KIF26B: variants seen among roughly 807,000 people sequenced by gnomAD.
KIF26B encodes the protein kinesin-like protein KIF26B.
A neutral mutation model predicts 151.2 loss-of-function variants in KIF26B; 63 were observed. The ratio of observed to expected loss-of-function variants is 0.42; its 90% CI spans 0.34 to 0.51. KIF26B has a LOEUF of 0.51. Among genes scored for constraint, KIF26B ranks in the 20% least tolerant of loss-of-function variants. The probability of loss-of-function intolerance (pLI) is 0.07; values close to 1 mark genes in which losing one functional copy is unlikely to be tolerated. For synonymous variants in KIF26B, 1,357 were observed against 1,262.1 expected (o/e 1.08, Z -1.59); for missense variants, 2,813 against 2,913.6 (o/e 0.97, Z 0.79).
chr1:245,608,754 CTTTG>C (rs1035914289), intron 7 of KIF26B, among the ~76,000 whole-genome samples: 7 of 151,916 alleles, frequency 4.6e-5, no homozygotes, highest in African/African-American at 1.4e-4. Flanking sequence ...TGGGCTCTTG[CTTTG>C]TTTCTTTTTT....
chr1:245,475,489 C>A (rs972374665), intron 4 of KIF26B, among the ~76,000 whole-genome samples: 1 of 151,694 alleles, frequency 6.6e-6, no homozygotes. Flanking sequence ...AAAATCATTG[C>A]AAGGTTATGA....
intron 3 of KIF26B, among the ~76,000 whole-genome samples, chr1:245,380,955 G>GAA (rs35477111): frequency 0.01 from 799 of 77,900 alleles, 18 homozygotes; most frequent in African/African-American, 0.03. Flanking sequence ...CCAAAAAGAT[G>GAA]AAAAAAAAAA....
At chr1:245,346,490 A>G (rs1672460032) in intron 2 of KIF26B, among the ~76,000 whole-genome samples, 1 of 152,022 alleles carries the variant, frequency 6.6e-6, no homozygotes, top group South Asian at 2.1e-4. Context: ...GATCCATGCC[A>G]CCTTGTTCCT....
chr1:245,223,613 C>T (rs894486743), intron 2 of KIF26B, among the ~76,000 whole-genome samples: 2 of 152,174 alleles, frequency 1.3e-5, no homozygotes, highest in Non-Finnish European at 2.9e-5. Flanking sequence ...TTTAGAATTG[C>T]ATATAAATGG....
intron 9 of KIF26B, among the ~76,000 whole-genome samples, chr1:245,618,236 G>A (rs1003340042): frequency 3.3e-5 from 5 of 152,162 alleles, no homozygotes; most frequent in African/African-American, 9.7e-5. Flanking sequence ...GCCTTACTCC[G>A]CCTTATATTT....
chr1:245,623,446 G>A (rs1366946206), intron 9 of KIF26B, among the ~76,000 whole-genome samples: 1 of 152,030 alleles, frequency 6.6e-6, no homozygotes, highest in African/African-American at 2.4e-5. Context: ...CTGCATAATA[G>A]TCCACTGCCC....
intron 2 of KIF26B, among the ~76,000 whole-genome samples, chr1:245,256,898 T>A (rs1419898942): frequency 6.6e-6 from 1 of 152,264 alleles, no homozygotes; most frequent in Non-Finnish European, 1.5e-5. Flanking sequence ...AAGCTGTCTC[T>A]TGTGGGGAAA....
intron 2 of KIF26B, among the ~76,000 whole-genome samples, chr1:245,251,894 ATAT>A (rs1267334143): frequency 3.9e-5 from 6 of 152,142 alleles, no homozygotes; most frequent in Non-Finnish European, 5.9e-5. Context: ...TGGTTAATAT[ATAT>A]TAAGATTAAT....
intron 2 of KIF26B, among the ~76,000 whole-genome samples, chr1:245,343,334 A>T (rs1672374558): frequency 6.6e-6 from 1 of 151,940 alleles, no homozygotes; most frequent in South Asian, 2.1e-4. Context: ...CATAAAAACC[A>T]TTTAAAACAT....
chr1:245,303,010 A>AAAAAAAG (rs1553342657), intron 2 of KIF26B, among the ~76,000 whole-genome samples: 7 of 149,058 alleles, frequency 4.7e-5, no homozygotes, highest in African/African-American at 1.7e-4. Flanking sequence ...AAAAAAAAAA[A>AAAAAAAG]AAAGAAAGAA....
intron 2 of KIF26B, among the ~76,000 whole-genome samples, chr1:245,365,544 G>A (rs1572025037): frequency 1.4e-5 from 2 of 145,270 alleles, no homozygotes; most frequent in Admixed American, 6.8e-5. Flanking sequence ...TCAGCAAACC[G>A]CCTTCAGCTC....
At chr1:245,433,392 G>A (rs1298966735) in intron 4 of KIF26B, among the ~76,000 whole-genome samples, 1 of 151,792 alleles carries the variant, frequency 6.6e-6, no homozygotes, top group African/African-American at 2.4e-5. Context: ...GCTTGAACCT[G>A]GGAGGTGGAG....
rs1369030679 is a variant in KIF26B, at chr1:245,276,876, T to G, written c.466-89958T>G. 2.6e-5 allele frequency among the ~76,000 whole-genome samples: 4 copies of G among 152,268 alleles called. No homozygotes were observed. In the East Asian group the frequency reaches 7.8e-4, roughly 30 times the overall value. On this transcript the variant is annotated intron_variant, in intron 2 of 14. Transcript: ENST00000407071. Reference sequence around the variant, plus strand: ...TTGCCATGTTGCCGAAGTCACTTCCTGGAATGAAGGTCTTTACAGATGTAA... The same window carrying G: ...TTGCCATGTTGCCGAAGTCACTTCCGGGAATGAAGGTCTTTACAGATGTAA...
chr1:245,517,040 T>G (rs1373847850), intron 4 of KIF26B, among the ~76,000 whole-genome samples: 1 of 152,160 alleles, frequency 6.6e-6, no homozygotes, highest in Non-Finnish European at 1.5e-5. Context: ...ATTGTGGCAC[T>G]GGGATAGGAA....
At chr1:245,232,653 C>T (rs908399687) in intron 2 of KIF26B, among the ~76,000 whole-genome samples, 1 of 151,258 alleles carries the variant, frequency 6.6e-6, no homozygotes, top group Non-Finnish European at 1.5e-5. Flanking sequence ...CAGGTTCAAG[C>T]GATTCTCCTG....
intron 5 of KIF26B, among the ~76,000 whole-genome samples, chr1:245,591,101 T>A (rs1346826069): frequency 6.6e-6 from 1 of 152,054 alleles, no homozygotes; most frequent in Non-Finnish European, 1.5e-5. Flanking sequence ...ATGGGTTCAA[T>A]ATGTTGGCAA....
In KIF26B at chr1:245,560,616, A is replaced by G. The variant is rs1308273572; in HGVS notation, c.1350+19666A>G. Reference sequence around the variant, plus strand: ...GGTTGAAAACATCTCAGCGCACTTCACGGAGGTTCTCAGAGACCCCATAAG... The same window carrying G: ...GGTTGAAAACATCTCAGCGCACTTCGCGGAGGTTCTCAGAGACCCCATAAG... On this transcript the variant is annotated intron_variant, in intron 5 of 14. Coordinates refer to ENST00000407071, the MANE Select transcript of KIF26B (RefSeq NM_018012.4). The surrounding 1 kb of genome is among the most constrained non-coding windows in gnomAD (Gnocchi z 4.3). Among the ~76,000 whole-genome samples, 3 of 152,096 alleles carry G rather than the reference A, an allele frequency of 2.0e-5. No homozygotes were observed. The highest frequency in any genetic ancestry group is 2.9e-5 in the Non-Finnish European group (2 of 68,018).
chr1:245,468,004 C>T (rs931757649), intron 4 of KIF26B, among the ~76,000 whole-genome samples: 5 of 151,394 alleles, frequency 3.3e-5, no homozygotes, highest in African/African-American at 1.2e-4. Flanking sequence ...CCAGGTTGAA[C>T]ACCCCTGAAG....
In KIF26B at chr1:245,563,578, C is replaced by T. The variant is rs117294900; in HGVS notation, c.1350+22628C>T. Among the ~76,000 whole-genome samples the T allele has an allele frequency of 6.5e-4, 99 of 152,246 alleles. No homozygotes were observed. The East Asian group carries it at 0.017, about 27-fold the overall frequency. On this transcript the variant is annotated intron_variant, in intron 5 of 14. Coordinates refer to ENST00000407071, the MANE Select transcript of KIF26B (RefSeq NM_018012.4). The surrounding 1 kb of genome is among the most constrained non-coding windows in gnomAD (Gnocchi z 4.6). ...TCTCAAACACATGGCTGACAGATTC[C>T]GGAGGCCTTCAACTCCCACCTATGA...
Sources: allele counts gnomAD v4.1 joint callset (sites outside exome capture counted in the v4.1 genomes callset), GRCh38; gene constraint gnomAD v4.1.1; non-coding constraint Gnocchi (gnomAD v3.1); transcripts MANE v1.5; gene names NCBI Gene and HGNC (gene_info 2026-07-23, HGNC 2026-07-21).